SPTBN2: variants seen among roughly 807,000 people sequenced by gnomAD.
The protein encoded by SPTBN2 is spectrin beta chain, non-erythrocytic 2.
In SPTBN2, 107 loss-of-function variants were observed where a neutral mutation model predicts 284.2. That is an observed-to-expected ratio of 0.38 (90% CI 0.32 to 0.44). The LOEUF is 0.44. Ranked by LOEUF, SPTBN2 falls within the 20% of genes least tolerant of loss-of-function variation. The probability of loss-of-function intolerance (pLI) is 1.00; values close to 1 mark genes in which losing one functional copy is unlikely to be tolerated. For missense variants in SPTBN2, 2,569 were observed against 3,287.1 expected, an observed-to-expected ratio of 0.78 and a Z score of 5.34; for synonymous variants, 1,289 against 1,354.8, an observed-to-expected ratio of 0.95 and a Z score of 1.07.
intron 1 of SPTBN2, among the ~76,000 whole-genome samples, chr11:66,727,299 C>A (rs1942653223): frequency 6.6e-6 from 1 of 152,228 alleles, no homozygotes; most frequent in African/African-American, 2.4e-5. Context: ...TACCTCTGCC[C>A]ATACCTGAAA....
At chr11:66,734,168 G>A (rs577793994), upstream of SPTBN2, among the ~76,000 whole-genome samples, 27 of 152,084 alleles carry the variant, frequency 1.8e-4, no homozygotes, top group Non-Finnish European at 3.2e-4. Flanking sequence ...GTCCTTCTCT[G>A]TTTCTTTTGT....
chr11:66,704,664 T>C lies in SPTBN2; in HGVS notation c.2612A>G (p.Lys871Arg), dbSNP rs755278806. The change falls in exon 15 of 38, where the codon AAG becomes AGG. Residue 871 changes from lysine to arginine, a missense_variant. Around this residue, in one of 6 missense-constraint regions of SPTBN2, gnomAD observed 1,012 missense variants for 1,248.9 expected, o/e 0.81. Coordinates refer to ENST00000533211, the MANE Select transcript of SPTBN2 (RefSeq NM_006946.4). ...GGCCAGCCCGTTGAGCCACTGCTCC[T>C]TCTCCTCCACCCAGAGTCCACAGGC... ...AGACGLWVEE[K>R]EQWLNGLALP... 3 of 1,611,556 alleles carry C rather than the reference T, an allele frequency of 1.9e-6. No individual in the cohort carries two copies. Among genetic ancestry groups the C allele is most frequent in the Non-Finnish European group, 2.5e-6 (3 of 1,179,508 alleles).
chr11:66,692,460 A>G, intron 26 of SPTBN2, 76 bp downstream of exon 26: 1 of 1,551,432 alleles, frequency 6.4e-7, no homozygotes, highest in East Asian at 2.2e-5. Flanking sequence ...TCTGCCTGGG[A>G]CTAGGTCCTA....
intron 21 of SPTBN2, among the ~76,000 whole-genome samples, chr11:66,694,846 G>A (rs574738283): frequency 1.3e-5 from 2 of 152,300 alleles, no homozygotes; most frequent in African/African-American, 4.8e-5. Context: ...AGAGGGCGCT[G>A]GAGGGACACC....
At position 66,739,914 on chromosome 11, in the gene SPTBN2, C is replaced by T. The variant is rs566376852; in HGVS notation, c.-475+4628G>A. Among the ~76,000 whole-genome samples, 14 of 152,258 alleles carry T rather than the reference C, an allele frequency of 9.2e-5. No homozygotes were observed. The South Asian group carries it at 1.9e-3, about 20-fold the overall frequency. On this transcript the variant is annotated intron_variant, in intron 1 of 37. Coordinates refer to the SPTBN2 transcript ENST00000611817. ...AGGTACGGTGATGCATGCCTGTAAT[C>T]CCAGCTGCTCGTGAGGCTGAGGCAG... is the stretch of plus-strand genomic sequence containing the variant.
At position 66,700,714 on chromosome 11, in the gene SPTBN2, C is replaced by A; in HGVS notation, c.3385G>T (p.Glu1129Ter). 1 of 1,604,712 alleles carries A rather than the reference C, an allele frequency of 6.2e-7. No homozygotes were observed. The change falls in exon 17 of 38, where the codon GAG becomes TAG. Residue 1129 changes from glutamate to a stop codon, truncating the protein, a stop_gained. Coordinates refer to ENST00000533211, the MANE Select transcript of SPTBN2 (RefSeq NM_006946.4). LOFTEE classifies it high-confidence loss of function. This position sits in a 1 kb window ranked among gnomAD's most constrained non-coding sequence, Gnocchi z 6.6. ...SEYSRLRALG[E>*]EVTRDQADPQ... is the part of the protein sequence containing the mutation. ...TCAGCCTGGTCCCGGGTCACCTCCT[C>A]GCCCAGGGCTCGCAGCCGGCTATAC...
At chr11:66,694,945 C>T (rs1178373788) in intron 21 of SPTBN2, among the ~76,000 whole-genome samples, 3 of 152,212 alleles carry the variant, frequency 2.0e-5, no homozygotes, top group Admixed American at 6.5e-5. Flanking sequence ...GCAAGAGATC[C>T]GGTGGCTCTT....
chr11:66,721,771 C>T (rs1194472439), intron 1 of SPTBN2, among the ~76,000 whole-genome samples: 4 of 152,160 alleles, frequency 2.6e-5, no homozygotes, highest in South Asian at 2.1e-4. Context: ...ATTTGTTGGG[C>T]GCGGTGGCTC....
At position 66,693,011 on chromosome 11, in the gene SPTBN2, C is replaced by T. The variant is rs371267330; in HGVS notation, c.4944G>A (p.Ala1648=). Residue 1648 remains alanine (A), a synonymous_variant, in exon 25 of 38, where the codon GCG becomes GCA. Coordinates refer to ENST00000533211, the MANE Select transcript of SPTBN2 (RefSeq NM_006946.4). This position sits in a 1 kb window ranked among gnomAD's most constrained non-coding sequence, Gnocchi z 5.7. ...ADYAQTIHQL[A]ASSQDMIDHE... ...GGTCAATCATGTCCTGGCTGCTGGC[C>T]GCCAGCTGGTGGATGGTCTGCGCGT... 141 of 1,610,992 alleles carry T rather than the reference C, an allele frequency of 8.8e-5. No homozygotes were observed. The Middle Eastern group carries it at 2.1e-3, about 23-fold the overall frequency.
At chr11:66,704,523 G>T in intron 15 of SPTBN2, 75 bp downstream of exon 15, 1 of 1,520,784 alleles carries the variant, frequency 6.6e-7, no homozygotes, top group South Asian at 1.2e-5. Context: ...TTTATGGAGG[G>T]ACTCACCACC....
intron 1 of SPTBN2, among the ~76,000 whole-genome samples, chr11:66,739,767 G>A (rs530581391): frequency 2.6e-5 from 4 of 152,302 alleles, no homozygotes; most frequent in South Asian, 2.1e-4. Flanking sequence ...AGTGGCTCAC[G>A]CCTGTAATCC....
chr11:66,684,451 T>C lies in SPTBN2; in HGVS notation c.*1420A>G, dbSNP rs1939977433. ...GAATTCGAGACCGACCTGGGCAACA[T>C]AGTGAGACCCCGTCTCTACAAAAAA... is the stretch of plus-strand genomic sequence containing the variant. On this transcript the variant is annotated 3_prime_UTR_variant, in exon 38 of 38. Coordinates refer to ENST00000533211, the MANE Select transcript of SPTBN2 (RefSeq NM_006946.4). Among the ~76,000 whole-genome samples, 1 of 152,038 alleles carries C rather than the reference T, an allele frequency of 6.6e-6. No homozygotes were observed. The highest frequency in any genetic ancestry group is 2.4e-5 in the African/African-American group (1 of 41,384).
intron 1 of SPTBN2, among the ~76,000 whole-genome samples, chr11:66,737,715 G>A (rs1373198063): frequency 6.6e-6 from 1 of 152,158 alleles, no homozygotes; most frequent in African/African-American, 2.4e-5. Flanking sequence ...AAATAGAGAG[G>A]TGAAGTACGT....
intron 3 of SPTBN2, among the ~76,000 whole-genome samples, chr11:66,717,604 C>T (rs1371601967): frequency 2.6e-5 from 4 of 152,192 alleles, no homozygotes; most frequent in South Asian, 4.1e-4. Context: ...TGGGGCCTCC[C>T]GGCAGGTCTA....
At chr11:66,735,258 A>T (rs1225275752) in intron 1 of SPTBN2, among the ~76,000 whole-genome samples, 1 of 151,812 alleles carries the variant, frequency 6.6e-6, no homozygotes, top group Non-Finnish European at 1.5e-5. Flanking sequence ...GCTTGAACCC[A>T]GGAGGCAGAA....
chr11:66,703,691 C>G (rs1004763549), intron 15 of SPTBN2, among the ~76,000 whole-genome samples: 1 of 151,492 alleles, frequency 6.6e-6, no homozygotes, highest in African/African-American at 2.4e-5. Flanking sequence ...GAGCCGAGAT[C>G]GCACCACTGC....
At chr11:66,711,638 A>C (rs958392682) in intron 8 of SPTBN2, among the ~76,000 whole-genome samples, 3 of 152,182 alleles carry the variant, frequency 2.0e-5, no homozygotes, top group Non-Finnish European at 4.4e-5. Flanking sequence ...GCTGACCATA[A>C]CTTGAAATCT....
At chr11:66,686,569 A>G (rs1940126865) in intron 36 of SPTBN2, 129 bp from the exon 37 acceptor site, 7 of 990,144 alleles carry the variant, frequency 7.1e-6, no homozygotes, top group Admixed American at 1.8e-5. Context: ...GCCGGACCAG[A>G]CACGCTCTGC....
chr11:66,691,349 C>A lies in SPTBN2; in HGVS notation c.5500G>T (p.Ala1834Ser). The change falls in exon 27 of 38, where the codon GCT becomes TCT. Residue 1834 changes from alanine to serine, a missense_variant. By Grantham distance (99) the Ala-to-Ser change is moderately conservative. Around this residue, in one of 6 missense-constraint regions of SPTBN2, gnomAD observed 1,130 missense variants for 1,317.3 expected, o/e 0.86. Coordinates refer to ENST00000533211, the MANE Select transcript of SPTBN2 (RefSeq NM_006946.4). The surrounding 1 kb of genome is among the most constrained non-coding windows in gnomAD (Gnocchi z 8.0). ...LPDGTGRDLN[A>S]AEALQRRHCA... ...TGTCGGCGCTGCAGGGCCTCGGCAGCGTTGAGGTCGCGGCCAGTCCCGTCC... is the reference window on the plus strand; with the variant it reads ...TGTCGGCGCTGCAGGGCCTCGGCAGAGTTGAGGTCGCGGCCAGTCCCGTCC... 6.4e-7 allele frequency: 1 copy of A among 1,572,810 alleles called. No homozygotes were observed. Among genetic ancestry groups the A allele is most frequent in the Non-Finnish European group, 8.7e-7 (1 of 1,155,574 alleles).
Sources: gnomAD v4.1 joint callset for allele counts (sites outside exome capture counted in the v4.1 genomes callset) on GRCh38, gnomAD v4.1.1 for gene constraint, gnomAD v4.1.1 regional missense constraint, Gnocchi (gnomAD v3.1) non-coding constraint, MANE v1.5 for transcripts, NCBI Gene and HGNC (gene_info 2026-07-23, HGNC 2026-07-21) for gene names.